The following MCTP1 variants were observed in gnomAD, a reference collection of about 807,000 sequenced individuals.
MCTP1 encodes multiple C2 and transmembrane domain-containing protein 1.
MCTP1 carries 69 observed loss-of-function variants against 120.6 expected under a neutral mutation model. The ratio of observed to expected loss-of-function variants is 0.57; its 90% CI spans 0.47 to 0.70. MCTP1 has a LOEUF of 0.70. Among genes scored for constraint, MCTP1 ranks in the 30% least tolerant of loss-of-function variants. The probability of loss-of-function intolerance (pLI) is 0.00; values close to 1 mark genes in which losing one functional copy is unlikely to be tolerated. For missense variants in MCTP1, 1,203 were observed against 1,248.8 expected, an observed-to-expected ratio of 0.96 and a Z score of 0.55; for synonymous variants, 529 against 493.1, an observed-to-expected ratio of 1.07 and a Z score of -0.96.
In MCTP1 at chr5:95,281,817, A is replaced by T. The variant is rs78711348; in HGVS notation, c.720+2039T>A. Among the ~76,000 whole-genome samples the T allele has an allele frequency of 6.8e-3, 1,034 of 152,350 alleles. 6 individuals are homozygous for T. Among genetic ancestry groups the T allele is most frequent in the Non-Finnish European group, 0.01 (708 of 68,030 alleles). On this transcript the variant is annotated intron_variant, in intron 1 of 22. Coordinates refer to ENST00000515393, the MANE Select transcript of MCTP1 (RefSeq NM_024717.7). ...GCTAATCCATCATAGAATTGATTGT[A>T]TATAGGGATGGGGAAAAATCTCCAG...
At chr5:95,157,843 T>C (rs1745294219) in intron 1 of MCTP1, among the ~76,000 whole-genome samples, 3 of 152,192 alleles carry the variant, frequency 2.0e-5, no homozygotes, top group African/African-American at 7.2e-5. Context: ...GTCACTCCCT[T>C]TCCTTCATTT....
intron 1 of MCTP1, among the ~76,000 whole-genome samples, chr5:95,100,602 A>T (rs1037583911): frequency 1.3e-5 from 2 of 152,238 alleles, no homozygotes; most frequent in Non-Finnish European, 2.9e-5. Flanking sequence ...CTTTTTAAAA[A>T]TCCCAAAACT....
chr5:94,891,203 AAC>A (rs1397394407), intron 11 of MCTP1, among the ~76,000 whole-genome samples: 1 of 140,072 alleles, frequency 7.1e-6, no homozygotes, highest in Non-Finnish European at 1.6e-5. Flanking sequence ...ATTGTTTTTA[AAC>A]AGTTGTTTAT....
intron 17 of MCTP1, among the ~76,000 whole-genome samples, chr5:94,831,956 G>A (rs10059576): frequency 0.13 from 19,076 of 152,170 alleles, 1,714 homozygotes; most frequent in East Asian, 0.26. Flanking sequence ...GGCTAGAGAG[G>A]AGGGAAAAAG....
In MCTP1 at chr5:95,283,894, G is replaced by A. The variant is rs764728886; in HGVS notation, c.682C>T (p.Arg228Trp). 3 of 1,382,458 alleles carry A rather than the reference G, an allele frequency of 2.2e-6. No homozygotes were observed. Among genetic ancestry groups the A allele is most frequent in the Admixed American group, 7.4e-5 (2 of 27,154 alleles). 85.6% of individuals were successfully genotyped at this position (1,382,458 alleles called of 1,614,324 possible). A position where few individuals can be genotyped will look rare whatever the true frequency, so the allele number is the denominator to read the frequency against. ...AEPARSPAESRAPETGEEHGS... is the reference protein window; with the variant it reads ...AEPARSPAESWAPETGEEHGS... ...TGCTCCTCGCCCGTCTCCGGGGCCC[G>A]AGACTCCGCGGGACTCCGCGCCGGC... Residue 228 changes from arginine (R) to tryptophan (W), a missense_variant, in exon 1 of 23, where the codon CGG (arginine) becomes TGG (tryptophan). By Grantham distance (101) the Arg-to-Trp change is moderately radical. Transcript: ENST00000515393.
chr5:94,707,211 T>G lies in MCTP1; in HGVS notation c.*285A>C, dbSNP rs921598862. ...CTAGTAATTAGATAAGAATATATCT[T>G]CCAGTGTTATCATTCTTATATTTGT... On this transcript the variant is annotated 3_prime_UTR_variant, in exon 23 of 23. Transcript: ENST00000515393. 1 of 281,008 alleles carries G rather than the reference T, an allele frequency of 3.6e-6. No individual in the cohort carries two copies. The highest frequency in any genetic ancestry group is 6.6e-6 in the Non-Finnish European group (1 of 151,552). The allele number at this position is 281,008 out of a possible 1,614,324, so 17.4% of individuals were successfully genotyped here.
At chr5:95,138,268 A>C (rs1487151403) in intron 1 of MCTP1, among the ~76,000 whole-genome samples, 1 of 144,526 alleles carries the variant, frequency 6.9e-6, no homozygotes, top group African/African-American at 2.6e-5. Flanking sequence ...TGTGTTTTGG[A>C]GCTCGATGGG....
Position 95,182,381 on chromosome 5 carries a change from A to G in MCTP1, c.720+101475T>C, listed in dbSNP as rs542532576. ...CACTCTGTATGGTAGGTTATACAAG[A>G]AGAAGGCAAGCGCTGTTCAAACTAC... On this transcript the variant is annotated intron_variant, in intron 1 of 22. Coordinates refer to ENST00000515393, the MANE Select transcript of MCTP1 (RefSeq NM_024717.7). Among the ~76,000 whole-genome samples, 29 of 152,336 alleles carry G rather than the reference A, an allele frequency of 1.9e-4. No homozygotes were observed. In the South Asian group the frequency reaches 6.0e-3, roughly 32 times the overall value.
At chr5:94,840,928 G>A (rs1790878304) in intron 17 of MCTP1, among the ~76,000 whole-genome samples, 1 of 152,158 alleles carries the variant, frequency 6.6e-6, no homozygotes, top group African/African-American at 2.4e-5. Context: ...GGGGTGGGGG[G>A]AAGGTGAGGA....
intron 1 of MCTP1, among the ~76,000 whole-genome samples, chr5:95,262,298 A>G (rs1281171473): frequency 1.3e-5 from 2 of 152,190 alleles, no homozygotes; most frequent in Non-Finnish European, 2.9e-5. Flanking sequence ...CTAAGAGCAC[A>G]TAGTTCATTT....
chr5:95,167,835 A>G (rs1333554651), intron 1 of MCTP1, among the ~76,000 whole-genome samples: 1 of 152,130 alleles, frequency 6.6e-6, no homozygotes, highest in African/African-American at 2.4e-5. Context: ...ATTTTCTCCC[A>G]TTCTGTAGGT....
intron 1 of MCTP1, among the ~76,000 whole-genome samples, chr5:95,142,636 T>C (rs1760030519): frequency 6.6e-6 from 1 of 152,116 alleles, no homozygotes; most frequent in Admixed American, 6.5e-5. Flanking sequence ...AAATTAAACC[T>C]CTGTTGAATA....
chr5:95,074,999 T>G (rs1753196272), intron 1 of MCTP1, among the ~76,000 whole-genome samples: 1 of 152,240 alleles, frequency 6.6e-6, no homozygotes. Context: ...AAAAGTCATT[T>G]AATTTGCCTG....
At chr5:95,152,815 C>A (rs1744685135) in intron 1 of MCTP1, among the ~76,000 whole-genome samples, 1 of 152,134 alleles carries the variant, frequency 6.6e-6, no homozygotes, top group Non-Finnish European at 1.5e-5. Flanking sequence ...GCCTAATATA[C>A]CTTCTAAGGA....
intron 11 of MCTP1, among the ~76,000 whole-genome samples, chr5:94,890,021 T>C (rs1802228495): frequency 6.6e-6 from 1 of 152,174 alleles, no homozygotes; most frequent in South Asian, 2.1e-4. Context: ...TTTTTATTTT[T>C]TTAGAGACAG....
At chr5:94,747,245 G>C (rs1277782161) in intron 19 of MCTP1, among the ~76,000 whole-genome samples, 1 of 152,078 alleles carries the variant, frequency 6.6e-6, no homozygotes, top group African/African-American at 2.4e-5. Context: ...TTCTGACAAT[G>C]GTCATGCTCA....
chr5:94,937,889 G>T (rs1449166168), intron 5 of MCTP1, among the ~76,000 whole-genome samples: 1 of 151,966 alleles, frequency 6.6e-6, no homozygotes, highest in East Asian at 1.9e-4. Context: ...AAGTTTAGAT[G>T]GTCTGGGAAT....
chr5:94,996,327 G>A (rs1259608163), intron 2 of MCTP1, among the ~76,000 whole-genome samples: 1 of 152,178 alleles, frequency 6.6e-6, no homozygotes, highest in Non-Finnish European at 1.5e-5. Flanking sequence ...ATTAGAATAA[G>A]TCATGCCTTT....
At chr5:95,267,706 G>A (rs562570372) in intron 1 of MCTP1, among the ~76,000 whole-genome samples, 5 of 152,238 alleles carry the variant, frequency 3.3e-5, no homozygotes, top group Admixed American at 6.5e-5. Flanking sequence ...CCTGAAGATG[G>A]TTCTTCCCTT....
Sources: allele counts gnomAD v4.1 joint callset (sites outside exome capture counted in the v4.1 genomes callset), GRCh38; gene constraint gnomAD v4.1.1; transcripts MANE v1.5; gene names NCBI Gene and HGNC (gene_info 2026-07-23, HGNC 2026-07-21).